CXCL13: variants seen among roughly 807,000 people sequenced by gnomAD.
CXCL13 encodes C-X-C motif chemokine 13.
A neutral mutation model predicts 12.2 loss-of-function variants in CXCL13; 7 were observed. The ratio of observed to expected loss-of-function variants is 0.57; its 90% CI spans 0.33 to 1.07. CXCL13 has a LOEUF of 1.07. Ranked by LOEUF, CXCL13 falls within the 50% of genes least tolerant of loss-of-function variation. The pLI, the probability that CXCL13 is intolerant of heterozygous loss-of-function variation, is 0.04. For missense variants in CXCL13, 113 were observed against 127.4 expected, an observed-to-expected ratio of 0.89 and a Z score of 0.55; for synonymous variants, 47 against 42.4, an observed-to-expected ratio of 1.11 and a Z score of -0.42.
rs145634706 is a variant in CXCL13, at chr4:77,523,189, G to C, written c.-43+11401G>C. ...GGTGAATCTGACAATTATTTGTCTTGGGGTTGCTTTTCTCAAGGAATATCT... is the reference window on the plus strand; with the variant it reads ...GGTGAATCTGACAATTATTTGTCTTCGGGTTGCTTTTCTCAAGGAATATCT... On this transcript the variant is annotated intron_variant, in intron 1 of 4. Transcript: ENST00000286758. Among the ~76,000 whole-genome samples, 436 of 152,144 alleles carry C rather than the reference G, an allele frequency of 2.9e-3. 4 individuals are homozygous for C. Among genetic ancestry groups the C allele is most frequent in the African/African-American group, 9.4e-3 (390 of 41,500 alleles).
intron 1 of CXCL13, among the ~76,000 whole-genome samples, chr4:77,565,972 A>G (rs975887022): frequency 3.3e-5 from 5 of 152,250 alleles, no homozygotes; most frequent in Non-Finnish European, 5.9e-5. Flanking sequence ...GTCACCTTTG[A>G]GGATAGGAAC....
rs1727150023 is a variant in CXCL13, at chr4:77,611,372, T to C, written c.*333T>C. 5.5e-6 allele frequency: 2 copies of C among 361,822 alleles called. No homozygotes were observed. Among genetic ancestry groups the C allele is most frequent in the Admixed American group, 9.1e-5 (2 of 21,912 alleles). The allele number at this position is 361,822 out of a possible 1,614,324, so 22.4% of individuals were successfully genotyped here. ...TCTTAGAAAACAATGGAATGAGAAT[T>C]TAAGCCTCAAATTTGAACATGTGGC... On this transcript the variant is annotated 3_prime_UTR_variant, in exon 4 of 4. Coordinates refer to ENST00000682537, the MANE Select transcript of CXCL13 (RefSeq NM_001371558.1).
intron 1 of CXCL13, among the ~76,000 whole-genome samples, chr4:77,525,255 G>C: frequency 6.6e-6 from 1 of 152,234 alleles, no homozygotes; most frequent in East Asian, 1.9e-4. Flanking sequence ...CACACCGACT[G>C]ACTGTTGATG....
intron 1 of CXCL13, among the ~76,000 whole-genome samples, chr4:77,574,896 G>A (rs112160462): frequency 0.022 from 3,365 of 151,922 alleles, 215 homozygotes; most frequent in African/African-American, 0.076. Context: ...TTTAATCTTT[G>A]AGAAATAAAA....
chr4:77,555,015 G>A (rs1725629025), intron 1 of CXCL13, among the ~76,000 whole-genome samples: 2 of 151,646 alleles, frequency 1.3e-5, no homozygotes, highest in South Asian at 4.2e-4. Context: ...TTTACATTAA[G>A]AAGCTAAAAA....
At chr4:77,571,473 CCT>C (rs1726077860) in intron 1 of CXCL13, among the ~76,000 whole-genome samples, 1 of 151,614 alleles carries the variant, frequency 6.6e-6, no homozygotes, top group Non-Finnish European at 1.5e-5. Flanking sequence ...CAATCAGCAC[CCT>C]GTGTTTAGCT....
intron 1 of CXCL13, among the ~76,000 whole-genome samples, chr4:77,580,360 C>G (rs1322663302): frequency 1.1e-4 from 5 of 45,038 alleles, no homozygotes; most frequent in African/African-American, 4.1e-4. Context: ...TGGAGTCTCT[C>G]TCTTTCACCA....
intron 1 of CXCL13, among the ~76,000 whole-genome samples, chr4:77,571,581 T>G (rs568432898): frequency 9.6e-4 from 146 of 151,962 alleles, no homozygotes; most frequent in Non-Finnish European, 1.6e-3. Context: ...CTAACTAATC[T>G]GATGGGGACG....
At position 77,610,634 on chromosome 4, in the gene CXCL13, C is replaced by T; in HGVS notation, c.218C>T (p.Ser73Leu). The T allele has an allele frequency of 1.2e-6, 2 of 1,612,564 alleles. No individual in the cohort carries two copies. Among genetic ancestry groups the T allele is most frequent in the Non-Finnish European group, 1.7e-6 (2 of 1,178,698 alleles). Reference sequence around the variant, plus strand: ...CCCAGAGTCTGGAAGAAGAACAAGTCAATTGTGTGTGTGGACCCTCAAGCT... The same window carrying T: ...CCCAGAGTCTGGAAGAAGAACAAGTTAATTGTGTGTGTGGACCCTCAAGCT... ...KEIIVWKKNK[S>L]IVCVDPQAEW... Residue 73 changes from serine (S) to leucine (L), a missense_variant, in exon 3 of 4, where the codon TCA becomes TTA. Transcript: ENST00000682537.
intron 1 of CXCL13, among the ~76,000 whole-genome samples, chr4:77,521,379 T>C (rs1724593558): frequency 6.6e-6 from 1 of 152,194 alleles, no homozygotes; most frequent in Non-Finnish European, 1.5e-5. Context: ...TATTAATTAT[T>C]GCCTCAATTT....
At chr4:77,527,030 A>G (rs148059180) in intron 1 of CXCL13, among the ~76,000 whole-genome samples, 1 of 152,220 alleles carries the variant, frequency 6.6e-6, no homozygotes, top group East Asian at 1.9e-4. Context: ...CAAGACCTCA[A>G]GTGTGGGTGA....
chr4:77,564,365 T>C (rs1725877388), intron 1 of CXCL13, among the ~76,000 whole-genome samples: 1 of 152,216 alleles, frequency 6.6e-6, no homozygotes, highest in Non-Finnish European at 1.5e-5. Flanking sequence ...ACAGATGGGA[T>C]GGCTAAGACA....
At chr4:77,596,524 C>T (rs916739100) in intron 1 of CXCL13, among the ~76,000 whole-genome samples, 2 of 152,130 alleles carry the variant, frequency 1.3e-5, no homozygotes, top group Non-Finnish European at 2.9e-5. Context: ...GTGGCTCATG[C>T]CTGTAATCCC....
At chr4:77,575,540 T>C (rs1470129341) in intron 1 of CXCL13, among the ~76,000 whole-genome samples, 2 of 151,784 alleles carry the variant, frequency 1.3e-5, no homozygotes, top group African/African-American at 2.4e-5. Flanking sequence ...AGTGAGAACA[T>C]GTGGTGTTTG....
intron 1 of CXCL13, among the ~76,000 whole-genome samples, chr4:77,517,268 A>C (rs1724447354): frequency 6.6e-6 from 1 of 152,202 alleles, no homozygotes; most frequent in African/African-American, 2.4e-5. Flanking sequence ...TGGTGCTGAA[A>C]AAAATGTATA....
At chr4:77,548,417 T>A (rs1036417397) in intron 1 of CXCL13, among the ~76,000 whole-genome samples, 1 of 152,212 alleles carries the variant, frequency 6.6e-6, no homozygotes, top group Non-Finnish European at 1.5e-5. Flanking sequence ...AAATGGGACA[T>A]CTATGACACC....
chr4:77,611,801 A>G lies in CXCL13; in HGVS notation c.*762A>G. 2 of 398,474 alleles carry G rather than the reference A, an allele frequency of 5.0e-6. No individual in the cohort carries two copies. The highest frequency in any genetic ancestry group is 7.1e-5 in the East Asian group (2 of 28,070). 24.7% of individuals were successfully genotyped at this position (398,474 alleles called of 1,614,324 possible). On this transcript the variant is annotated 3_prime_UTR_variant, in exon 4 of 4. Transcript: ENST00000682537. ...TTTAATGATTCCTATAAATCTAATGACATTCAATAAAGTTGAGCAAACATT... is the reference window on the plus strand; with the variant it reads ...TTTAATGATTCCTATAAATCTAATGGCATTCAATAAAGTTGAGCAAACATT...
chr4:77,534,453 C>T (rs541242862), intron 1 of CXCL13, among the ~76,000 whole-genome samples: 1 of 152,234 alleles, frequency 6.6e-6, no homozygotes, highest in African/African-American at 2.4e-5. Context: ...GGATAAATCT[C>T]CAGAGAATTA....
chr4:77,519,957 T>C (rs1020709956), intron 1 of CXCL13, among the ~76,000 whole-genome samples: 4 of 152,224 alleles, frequency 2.6e-5, no homozygotes, highest in African/African-American at 9.6e-5. Flanking sequence ...CCCAGCACCA[T>C]TTATTAAATA....
Sources: gnomAD v4.1 joint callset for allele counts (sites outside exome capture counted in the v4.1 genomes callset) on GRCh38, gnomAD v4.1.1 for gene constraint, MANE v1.5 for transcripts, NCBI Gene and HGNC (gene_info 2026-07-23, HGNC 2026-07-21) for gene names.